The following NRXN3 variants were observed in gnomAD, a reference collection of about 807,000 sequenced individuals.
NRXN3 encodes neurexin III.
In NRXN3, 32 loss-of-function variants were observed where a neutral mutation model predicts 137.6. That is an observed-to-expected ratio of 0.23 (90% CI 0.18 to 0.31). The LOEUF (loss-of-function observed/expected upper bound fraction) is 0.31, where lower values mean the gene tolerates loss of function less well. Ranked by LOEUF, NRXN3 falls within the 10% of genes least tolerant of loss-of-function variation. The pLI is 1.00. For synonymous variants in NRXN3, 798 were observed against 784.5 expected (o/e 1.02, Z -0.29); for missense variants, 1,574 against 2,062.5 (o/e 0.76, Z 4.59).
chr14:78,257,510 G>A (rs1296472326), intron 2 of NRXN3, among the ~76,000 whole-genome samples: 1 of 152,242 alleles, frequency 6.6e-6, no homozygotes, highest in Non-Finnish European at 1.5e-5. Context: ...CACTTGAAGT[G>A]AGAGTTAGGG....
intron 15 of NRXN3, among the ~76,000 whole-genome samples, chr14:79,018,300 AGAGAGC>A (rs2099583225): frequency 8.9e-6 from 1 of 111,958 alleles, no homozygotes; most frequent in African/African-American, 3.8e-5. Context: ...AAAAAAAGAG[AGAGAGC>A]AAGAAGAGTG....
chr14:79,664,972 C>A (rs2098551062), intron 17 of NRXN3, among the ~76,000 whole-genome samples: 1 of 152,112 alleles, frequency 6.6e-6, no homozygotes, highest in Admixed American at 6.6e-5. Context: ...GGCACAATAA[C>A]AAAGAAGCTT....
intron 4 of NRXN3, among the ~76,000 whole-genome samples, chr14:78,357,328 A>C (rs1175071702): frequency 6.6e-6 from 1 of 152,118 alleles, no homozygotes; most frequent in African/African-American, 2.4e-5. Flanking sequence ...ATTCACTATC[A>C]AGAGAACAGC....
At chr14:78,196,174 C>A (rs1230157041) in intron 1 of NRXN3, among the ~76,000 whole-genome samples, 1 of 152,234 alleles carries the variant, frequency 6.6e-6, no homozygotes, top group Admixed American at 6.5e-5. Context: ...AGGGCTCCTT[C>A]ATCTCCGAGT....
At chr14:79,379,549 T>C (rs1009915628) in intron 15 of NRXN3, among the ~76,000 whole-genome samples, 1 of 152,098 alleles carries the variant, frequency 6.6e-6, no homozygotes, top group Admixed American at 6.5e-5. Context: ...CTAAAAGGCC[T>C]CTCCCATGGT....
chr14:79,760,409 G>A (rs1032841620), intron 19 of NRXN3, among the ~76,000 whole-genome samples: 3 of 149,386 alleles, frequency 2.0e-5, no homozygotes, highest in African/African-American at 5.0e-5. Flanking sequence ...GTGTAAGTAG[G>A]GATAACTTAA....
intron 15 of NRXN3, among the ~76,000 whole-genome samples, chr14:79,424,614 T>C (rs1359883229): frequency 6.6e-6 from 1 of 152,216 alleles, no homozygotes; most frequent in African/African-American, 2.4e-5. Flanking sequence ...AGCTGGGAGT[T>C]GAACTCAAGT....
At chr14:79,562,719 G>A (rs11852006) in intron 16 of NRXN3, among the ~76,000 whole-genome samples, 1 of 152,096 alleles carries the variant, frequency 6.6e-6, no homozygotes, top group East Asian at 1.9e-4. Flanking sequence ...TTAAAATTTA[G>A]AAAAGCTGTA....
At chr14:78,626,023 G>A (rs1418932814) in intron 4 of NRXN3, among the ~76,000 whole-genome samples, 1 of 152,184 alleles carries the variant, frequency 6.6e-6, no homozygotes, top group Non-Finnish European at 1.5e-5. Flanking sequence ...AGGTAAGCCT[G>A]GTGCTCAGCA....
At chr14:78,470,818 C>T (rs536837708) in intron 4 of NRXN3, among the ~76,000 whole-genome samples, 7 of 152,158 alleles carry the variant, frequency 4.6e-5, no homozygotes, top group Non-Finnish European at 8.8e-5. Context: ...CTTTTATATG[C>T]GATCCTCACA....
intron 10 of NRXN3, among the ~76,000 whole-genome samples, chr14:78,888,071 A>C (rs2152688651): frequency 6.6e-6 from 1 of 152,218 alleles, no homozygotes; most frequent in African/African-American, 2.4e-5. Context: ...TCCTTTAAAA[A>C]GATGTTTCTA....
At chr14:78,738,169 A>G (rs140996247) in intron 8 of NRXN3, among the ~76,000 whole-genome samples, 1 of 152,302 alleles carries the variant, frequency 6.6e-6, no homozygotes, top group African/African-American at 2.4e-5. Context: ...TAACTCCCTA[A>G]ACATTCACGT....
intron 19 of NRXN3, among the ~76,000 whole-genome samples, chr14:79,763,855 G>A (rs1374353416): frequency 6.6e-6 from 1 of 151,518 alleles, no homozygotes; most frequent in Non-Finnish European, 1.5e-5. Flanking sequence ...ATAAATTTGG[G>A]TGGCGGGGTG....
intron 15 of NRXN3, among the ~76,000 whole-genome samples, chr14:79,423,033 T>C (rs2153536630): frequency 6.6e-6 from 1 of 152,238 alleles, no homozygotes; most frequent in Admixed American, 6.5e-5. Context: ...CAGCTTTTGA[T>C]TTTTAAACAG....
chr14:79,431,994 G>A (rs1488543268), intron 15 of NRXN3, among the ~76,000 whole-genome samples: 1 of 152,056 alleles, frequency 6.6e-6, no homozygotes, highest in African/African-American at 2.4e-5. Context: ...TGTAGCCAAT[G>A]TTATACTTGA....
At chr14:79,049,051 A>AT (rs2099637629) in intron 15 of NRXN3, among the ~76,000 whole-genome samples, 1 of 65,598 alleles carries the variant, frequency 1.5e-5, no homozygotes, top group Non-Finnish European at 2.9e-5. Context: ...AAAAAAAAAA[A>AT]AAAAAAAAAA....
At chr14:78,282,132 T>G in intron 3 of NRXN3, 1 of 503,448 alleles carries the variant, frequency 2.0e-6, no homozygotes, top group Non-Finnish European at 4.0e-6. Flanking sequence ...ATTTGTGGCC[T>G]GGCAGGGACC....
intron 4 of NRXN3, among the ~76,000 whole-genome samples, chr14:78,574,344 A>G (rs1205271147): frequency 6.6e-6 from 1 of 152,216 alleles, no homozygotes; most frequent in Admixed American, 6.5e-5. Context: ...AGACTTCAGA[A>G]TGGTAGATTC....
At chr14:78,503,135 T>G in intron 4 of NRXN3, among the ~76,000 whole-genome samples, 1 of 152,202 alleles carries the variant, frequency 6.6e-6, no homozygotes, top group East Asian at 1.9e-4. Flanking sequence ...AATGACATTA[T>G]TTGCAATCTG....
Sources: gnomAD v4.1 joint callset for allele counts (sites outside exome capture counted in the v4.1 genomes callset) on GRCh38, gnomAD v4.1.1 for gene constraint, MANE v1.5 for transcripts, NCBI Gene and HGNC (gene_info 2026-07-23, HGNC 2026-07-21) for gene names.